DMRT1: variants seen among roughly 807,000 people sequenced by gnomAD.
DMRT1 encodes the protein doublesex- and mab-3-related transcription factor 1.
Under a neutral mutation model 32.3 loss-of-function variants are expected in DMRT1, and 7 were observed. That is an observed-to-expected ratio of 0.22 (90% confidence interval 0.12 to 0.41). The LOEUF is 0.41. DMRT1 is among the 10% of genes least tolerant of loss of function. DMRT1 has a pLI of 1.00. For synonymous variants in DMRT1, 278 were observed against 206.1 expected (o/e 1.35, Z -2.99); for missense variants, 625 against 500.5 (o/e 1.25, Z -2.37).
intron 4 of DMRT1, among the ~76,000 whole-genome samples, chr9:922,857 G>C (rs1367717044): frequency 1.3e-5 from 2 of 151,612 alleles, no homozygotes; most frequent in African/African-American, 2.4e-5. Flanking sequence ...CAGCAGTTCC[G>C]TGAAGCGAGT....
At chr9:915,621 A>G (rs555759691) in intron 3 of DMRT1, among the ~76,000 whole-genome samples, 1 of 152,290 alleles carries the variant, frequency 6.6e-6, no homozygotes, top group Non-Finnish European at 1.5e-5. Flanking sequence ...TTCTTGCTGC[A>G]GGGAACAGAC....
intron 2 of DMRT1, among the ~76,000 whole-genome samples, chr9:877,613 CA>C (rs1016153212): frequency 1.3e-5 from 2 of 151,954 alleles, no homozygotes; most frequent in African/African-American, 4.8e-5. Flanking sequence ...CCTCCCATTC[CA>C]AAAAAAGAAG....
intron 2 of DMRT1, among the ~76,000 whole-genome samples, chr9:884,650 A>G (rs1816855201): frequency 6.6e-6 from 1 of 152,140 alleles, no homozygotes; most frequent in South Asian, 2.1e-4. Context: ...TTATTGCACA[A>G]ATTAGGAGTA....
At chr9:864,648 GCCA>G (rs1252330719) in intron 2 of DMRT1, among the ~76,000 whole-genome samples, 3 of 151,802 alleles carry the variant, frequency 2.0e-5, no homozygotes, top group Non-Finnish European at 4.4e-5. Flanking sequence ...ACAGGCGCCC[GCCA>G]CCACGCCTGG....
chr9:954,553 G>A (rs1044476858), intron 4 of DMRT1, among the ~76,000 whole-genome samples: 2 of 152,124 alleles, frequency 1.3e-5, no homozygotes, highest in African/African-American at 4.8e-5. Context: ...TCCAAGAGAT[G>A]AGGGAGGGTC....
intron 1 of DMRT1, 141 bp downstream of exon 1, chr9:842,333 C>G: frequency 9.0e-7 from 1 of 1,106,448 alleles, no homozygotes; most frequent in Non-Finnish European, 1.3e-6. Context: ...TTCCCGGGTT[C>G]AAGCAATTCT....
At chr9:959,887 T>C (rs1455203337) in intron 4 of DMRT1, among the ~76,000 whole-genome samples, 1 of 152,218 alleles carries the variant, frequency 6.6e-6, no homozygotes, top group Non-Finnish European at 1.5e-5. Flanking sequence ...TTAGTCCTGT[T>C]TTATGGTTGC....
At chr9:864,880 T>C (rs1815909654) in intron 2 of DMRT1, among the ~76,000 whole-genome samples, 1 of 141,978 alleles carries the variant, frequency 7.0e-6, no homozygotes, top group Non-Finnish European at 1.5e-5. Flanking sequence ...AAGCTTCGAC[T>C]AAACCATTTC....
chr9:875,689 A>T (rs1334642013), intron 2 of DMRT1, among the ~76,000 whole-genome samples: 1 of 152,184 alleles, frequency 6.6e-6, no homozygotes, highest in Non-Finnish European at 1.5e-5. Flanking sequence ...CAAGCCCAGC[A>T]TGGCTCTTTG....
intron 4 of DMRT1, among the ~76,000 whole-genome samples, chr9:956,122 A>G (rs1487339705): frequency 6.6e-6 from 1 of 152,252 alleles, no homozygotes; most frequent in Non-Finnish European, 1.5e-5. Context: ...GTATTCTACA[A>G]CATGGATGAA....
At chr9:850,057 G>C (rs1415817122) in intron 2 of DMRT1, among the ~76,000 whole-genome samples, 1 of 152,198 alleles carries the variant, frequency 6.6e-6, no homozygotes, top group Non-Finnish European at 1.5e-5. Context: ...GACCTCAGGT[G>C]ATCTGCATGC....
chr9:947,126 A>G (rs1019718620), intron 4 of DMRT1, among the ~76,000 whole-genome samples: 2 of 152,226 alleles, frequency 1.3e-5, no homozygotes, highest in African/African-American at 4.8e-5. Context: ...TAGTGGCTGA[A>G]TTCCAGTAAA....
chr9:969,044 A>G lies in DMRT1; in HGVS notation c.*905A>G, dbSNP rs4742608. 35,964 of 152,572 alleles carry G rather than the reference A, an allele frequency of 0.24. 5,846 individuals are homozygous for G. Among genetic ancestry groups the G allele is most frequent in the African/African-American group, 0.45 (18,667 of 41,468 alleles). 9.5% of individuals were successfully genotyped at this position (152,572 alleles called of 1,614,324 possible). A position where few individuals can be genotyped will look rare whatever the true frequency, so the allele number is the denominator to read the frequency against. On this transcript the variant is annotated 3_prime_UTR_variant, in exon 5 of 5. Transcript: ENST00000382276. The stretch of plus-strand genomic sequence containing the variant: ...CTAGTCTAAAAAAATTCATTGTTCT[A>G]CTTAGTTGCAGCTGTACCTGAAATA...
intron 2 of DMRT1, among the ~76,000 whole-genome samples, chr9:864,028 T>C (rs1285027027): frequency 2.8e-4 from 42 of 151,990 alleles, no homozygotes; most frequent in Admixed American, 2.8e-3. Flanking sequence ...TGCGGGGTGA[T>C]AAGAGTCCCA....
Position 893,337 on chromosome 9 carries a change from G to C in DMRT1, c.539-575G>C, listed in dbSNP as rs188299321. Among the ~76,000 whole-genome samples the C allele has an allele frequency of 3.3e-5, 5 of 152,350 alleles. No individual in the cohort carries two copies. The East Asian group carries it at 9.6e-4, about 29-fold the overall frequency. Reference sequence around the variant, plus strand: ...TAAATAAAGTTTTATTGCAACACAAGCATGCTGCAGCAGTGATTGAATAGT... The same window carrying C: ...TAAATAAAGTTTTATTGCAACACAACCATGCTGCAGCAGTGATTGAATAGT... On this transcript the variant is annotated intron_variant, in intron 2 of 4. Transcript: ENST00000382276.
chr9:846,851 T>C, intron 1 of DMRT1, 109 bp from the exon 2 acceptor site: 2 of 1,345,086 alleles, frequency 1.5e-6, no homozygotes, highest in South Asian at 2.4e-5. Context: ...TTTTCAGACC[T>C]CACCTCCAGA....
At chr9:860,135 A>G (rs1815590864) in intron 2 of DMRT1, among the ~76,000 whole-genome samples, 1 of 152,116 alleles carries the variant, frequency 6.6e-6, no homozygotes, top group Non-Finnish European at 1.5e-5. Flanking sequence ...CATCTCTACT[A>G]AAAATACAAA....
At chr9:962,716 C>T (rs1234545527) in intron 4 of DMRT1, among the ~76,000 whole-genome samples, 1 of 152,120 alleles carries the variant, frequency 6.6e-6, no homozygotes, top group African/African-American at 2.4e-5. Flanking sequence ...CCCCTTCTTT[C>T]TCTTCCCTTT....
At chr9:916,242 A>C (rs1172817006) in intron 3 of DMRT1, among the ~76,000 whole-genome samples, 1 of 152,200 alleles carries the variant, frequency 6.6e-6, no homozygotes, top group African/African-American at 2.4e-5. Flanking sequence ...GAACAGAAGG[A>C]ATTTCAGGGG....
Sources: allele counts gnomAD v4.1 joint callset (sites outside exome capture counted in the v4.1 genomes callset), GRCh38; gene constraint gnomAD v4.1.1; transcripts MANE v1.5; gene names NCBI Gene and HGNC (gene_info 2026-07-23, HGNC 2026-07-21).